MAGEA10: variants seen among roughly 807,000 people sequenced by gnomAD.
MAGEA10 encodes MAGE family member A10.
In MAGEA10, 7 loss-of-function variants were observed where a neutral mutation model predicts 8.6. That is an observed-to-expected ratio of 0.82 (90% CI 0.46 to 1.53). MAGEA10 has a LOEUF of 1.53. Ranked by LOEUF, MAGEA10 falls within the 40% of genes most tolerant of loss-of-function variation. The pLI is 0.01. For synonymous variants in MAGEA10, 125 were observed against 107.4 expected, an observed-to-expected ratio of 1.16 and a Z score of -1.02; for missense variants, 293 against 274.0, an observed-to-expected ratio of 1.07 and a Z score of -0.49.
chrX:152,136,231 C>G (rs986663755), intron 2 of MAGEA10, among the ~76,000 whole-genome samples: 2 of 111,276 alleles, frequency 1.8e-5, no homozygotes, highest in Admixed American at 9.4e-5. Context: ...TCACCTTTCT[C>G]CTGGAAAAGC....
chrX:152,137,444 A>AGGGGGGGGGGGG (rs1603184059), intron 1 of MAGEA10, among the ~76,000 whole-genome samples: 1 of 1,146 alleles, frequency 8.7e-4, no homozygotes, highest in South Asian at 0.029. Flanking sequence ...GGTGGTGGGC[A>AGGGGGGGGGGGG]GGGGAGGGGG....
chrX:152,134,466 G>A lies in MAGEA10; in HGVS notation c.*45C>T. 9.7e-7 allele frequency: 1 copy of A among 1,034,250 alleles called. No individual in the cohort carries two copies. Among genetic ancestry groups the A allele is most frequent in the Non-Finnish European group, 1.3e-6 (1 of 767,061 alleles). 85.2% of individuals were successfully genotyped at this position (1,034,250 alleles called of 1,213,427 possible). ...TTCCACATATGAGTAAAATCATGTG[G>A]TATTTGACTTGCCTTTTAAAACACA... On this transcript the variant is annotated 3_prime_UTR_variant, in exon 4 of 4. Coordinates refer to ENST00000370323, the MANE Select transcript of MAGEA10 (RefSeq NM_021048.5).
chrX:152,137,907 G>T (rs1288817550), intron 1 of MAGEA10, among the ~76,000 whole-genome samples: 1 of 110,469 alleles, frequency 9.1e-6, no homozygotes. Flanking sequence ...CTCTTGGCTG[G>T]GTTGTTCTCC....
rs1377615212 is a variant in MAGEA10 at position 152,135,498 on chromosome X, GGAT to G, written c.120_122del (p.Ser41del). The stretch of plus-strand genomic sequence containing the variant: ...ATGGAAAAGAGGAGCTGGTGGAAGT[GGAT>G]GATGAAGCATCCTCCTCCACAGCCA... On this transcript the variant is annotated inframe_deletion, in exon 4 of 4. Transcript: ENST00000370323. The G allele has an allele frequency of 2.5e-6, 3 of 1,195,390 alleles. No homozygotes were observed. The Admixed American group carries it at 6.8e-5, about 27-fold the overall frequency.
chrX:152,135,664 T>TGGGC lies in MAGEA10; in HGVS notation c.-48_-45dup. ...AGCAGGTGGGAGTGTGGGCAGGACT[T>TGGGC]GGGCGATGGGGACCCACAGGCCTGG... On this transcript the variant is annotated 5_prime_UTR_variant, in exon 4 of 4. Transcript: ENST00000370323. The TGGGC allele has an allele frequency of 9.2e-7, 1 of 1,086,705 alleles. No individual in the cohort carries two copies. Among genetic ancestry groups the TGGGC allele is most frequent in the Non-Finnish European group, 1.2e-6 (1 of 824,008 alleles). 89.6% of individuals were successfully genotyped at this position (1,086,705 alleles called of 1,213,427 possible).
chrX:152,138,048 T>C (rs1936718558), intron 1 of MAGEA10, among the ~76,000 whole-genome samples: 1 of 109,876 alleles, frequency 9.1e-6, no homozygotes, highest in African/African-American at 3.3e-5. Context: ...CTCCCTCATT[T>C]CCCAGCAGGG....
chrX:152,135,872 G>A (rs1936663987), intron 2 of MAGEA10, 38 bp from the exon 3 acceptor site: 2 of 284,241 alleles, frequency 7.0e-6, no homozygotes, highest in Non-Finnish European at 1.3e-5. Flanking sequence ...TCAGGATGCA[G>A]CCGGCAGAGG....
Position 152,134,526 on chromosome X carries a change from G to A in MAGEA10, c.1095C>T (p.Phe365=). The A allele has an allele frequency of 8.3e-7, 1 of 1,206,503 alleles. No individual in the cohort carries two copies. The highest frequency in any genetic ancestry group is 1.1e-6 in the Non-Finnish European group (1 of 892,756). The stretch of plus-strand genomic sequence containing the variant: ...CTGTCTTACTTTATTCAGGGTAGGA[G>A]AAGCTACCTGTAGCGCTAGAACTTG... ...ASASSSATGS[F]SYPE The change falls in exon 4 of 4, where the codon TTC becomes TTT. Residue 365 remains phenylalanine (F), a synonymous_variant. Coordinates refer to ENST00000370323, the MANE Select transcript of MAGEA10 (RefSeq NM_021048.5).
At position 152,133,963 on chromosome X, in the gene MAGEA10, TA is replaced by T. The variant is rs1237920656; in HGVS notation, c.*547del. The T allele has an allele frequency of 9.5e-6, 1 of 105,228 alleles. No individual in the cohort carries two copies. Among genetic ancestry groups the T allele is most frequent in the Non-Finnish European group, 2.0e-5 (1 of 51,173 alleles). 8.7% of individuals were successfully genotyped at this position (105,228 alleles called of 1,213,427 possible). ...AAAAAGAAGAAGAAGAAAAAGAAAA[TA>T]AAATACCAAGAAGAAAAGAAAAGAA... On this transcript the variant is annotated 3_prime_UTR_variant, in exon 4 of 4. Coordinates refer to ENST00000370323, the MANE Select transcript of MAGEA10 (RefSeq NM_021048.5).
chrX:152,134,983 C>T lies in MAGEA10; in HGVS notation c.638G>A (p.Gly213Glu). ...LVTSLGLTYD[G>E]MLSDVQSMPK... is the part of the protein sequence containing the mutation. The stretch of plus-strand genomic sequence containing the variant: ...CATGCTCTGGACATCACTCAGCATC[C>T]CATCATAGGTGAGGCCCAGGGAGGT... Residue 213 changes from glycine (G) to glutamate (E), a missense_variant, in exon 4 of 4, where the codon GGG becomes GAG. Physicochemically the swap from Gly to Glu is moderately conservative, Grantham distance 98. Coordinates refer to ENST00000370323, the MANE Select transcript of MAGEA10 (RefSeq NM_021048.5). 1 of 1,211,484 alleles carries T rather than the reference C, an allele frequency of 8.3e-7. No individual in the cohort carries two copies.
At position 152,134,238 on chromosome X, in the gene MAGEA10, A is replaced by G. The variant is rs183526224; in HGVS notation, c.*273T>C. Reference sequence around the variant, plus strand: ...AATCAGGTAGTGTATCCATCACCTCATGCATTTATCATTTCTTTTTGGTGA... The same window carrying G: ...AATCAGGTAGTGTATCCATCACCTCGTGCATTTATCATTTCTTTTTGGTGA... On this transcript the variant is annotated 3_prime_UTR_variant, in exon 4 of 4. Transcript: ENST00000370323. The G allele has an allele frequency of 1.6e-5, 5 of 309,749 alleles. No homozygotes were observed. 25.5% of individuals were successfully genotyped at this position (309,749 alleles called of 1,213,427 possible).
chrX:152,136,209 C>A (rs1425367710), intron 2 of MAGEA10: 4 of 111,439 alleles, frequency 3.6e-5, no homozygotes, highest in Non-Finnish European at 7.5e-5. Context: ...CCTCTGTGCT[C>A]ACGTGGGGCT....
At chrX:152,137,273 G>A (rs1936694683) in intron 1 of MAGEA10, among the ~76,000 whole-genome samples, 1 of 107,787 alleles carries the variant, frequency 9.3e-6, no homozygotes, top group Non-Finnish European at 1.9e-5. Flanking sequence ...TGTTGACCAA[G>A]TGTGGAACCC....
intron 1 of MAGEA10, among the ~76,000 whole-genome samples, chrX:152,137,385 T>G (rs1936697885): frequency 1.2e-5 from 1 of 81,210 alleles, no homozygotes; most frequent in African/African-American, 4.9e-5. Flanking sequence ...CTGCATGGGA[T>G]TCCCAAAGCT....
At chrX:152,138,260 C>T (rs1315723213) in intron 1 of MAGEA10, among the ~76,000 whole-genome samples, 2 of 106,136 alleles carry the variant, frequency 1.9e-5, no homozygotes, top group African/African-American at 6.9e-5. Flanking sequence ...TCCCGCCGAA[C>T]CAGCCGGGCC....
Position 152,135,102 on chromosome X carries a change from A to T in MAGEA10, c.519T>A (p.Pro173=), listed in dbSNP as rs993620090. The change falls in exon 4 of 4, where the codon CCT becomes CCA. Residue 173 remains proline, a synonymous_variant. Transcript: ENST00000370323. The part of the protein sequence containing the change: ...SVIRNYEDHF[P]LLFSEASECM... ...ACTCGGAGGCTTCACTAAACAACAAAGGGAAGTGGTCTTCATAATTTCTTA... is the reference window on the plus strand; with the variant it reads ...ACTCGGAGGCTTCACTAAACAACAATGGGAAGTGGTCTTCATAATTTCTTA... 8.3e-6 allele frequency: 10 copies of T among 1,211,308 alleles called. No homozygotes were observed. The highest frequency in any genetic ancestry group is 1.1e-5 in the Non-Finnish European group (10 of 895,217).
At position 152,135,157 on chromosome X, in the gene MAGEA10, A is replaced by G. The variant is rs758952037; in HGVS notation, c.464T>C (p.Ile155Thr). 1.7e-6 allele frequency: 2 copies of G among 1,210,901 alleles called. No individual in the cohort carries two copies. The highest frequency in any genetic ancestry group is 2.2e-6 in the Non-Finnish European group (2 of 894,831). ...ACTCTCCAGTATTTCTGCCTTTGTG[A>G]TCGGCTCCTTCATTTGATACTTGAA... ...LLFKYQMKEP[I>T]TKAEILESVI... The change falls in exon 4 of 4, where the codon ATC becomes ACC. Residue 155 changes from isoleucine to threonine, a missense_variant. By Grantham distance (89) the Ile-to-Thr change is moderately conservative (BLOSUM62 -1). Transcript: ENST00000370323.
rs1936623665 is a variant in MAGEA10 at position 152,134,593 on chromosome X, T to C, written c.1028A>G (p.Asp343Gly). Reference sequence around the variant, plus strand: ...AGTATCATCTGTGGTGGCAATTCTGTCCTGGGCTCTCTCTTCCTCATCTTT... The same window carrying C: ...AGTATCATCTGTGGTGGCAATTCTGCCCTGGGCTCTCTCTTCCTCATCTTT... ...ALKDEEERAQ[D>G]RIATTDDTTA... Residue 343 changes from aspartate (D) to glycine (G), a missense_variant, in exon 4 of 4, where the codon GAC becomes GGC. Coordinates refer to ENST00000370323, the MANE Select transcript of MAGEA10 (RefSeq NM_021048.5). The C allele has an allele frequency of 2.5e-6, 3 of 1,205,294 alleles. No individual in the cohort carries two copies. In the South Asian group the frequency reaches 5.3e-5, roughly 21 times the overall value.
rs1048191830 is a variant in MAGEA10, at chrX:152,133,614, T to C, written c.*897A>G. 8 of 111,663 alleles carry C rather than the reference T, an allele frequency of 7.2e-5. No homozygotes were observed. Among genetic ancestry groups the C allele is most frequent in the African/African-American group, 2.6e-4 (8 of 30,766 alleles). The allele number at this position is 111,663 out of a possible 1,213,427, so 9.2% of individuals were successfully genotyped here. A position where few individuals can be genotyped will look rare whatever the true frequency, so the allele number is the denominator to read the frequency against. On this transcript the variant is annotated 3_prime_UTR_variant, in exon 4 of 4. Transcript: ENST00000370323. ...TAGATTCTGAAGCTCATAAACATTCTAGTAAAAGTAACAACATTTTAAAAT... is the reference window on the plus strand; with the variant it reads ...TAGATTCTGAAGCTCATAAACATTCCAGTAAAAGTAACAACATTTTAAAAT...
Sources: gnomAD v4.1 joint callset for allele counts (sites outside exome capture counted in the v4.1 genomes callset) on GRCh38, gnomAD v4.1.1 for gene constraint, MANE v1.5 for transcripts, NCBI Gene and HGNC (gene_info 2026-07-23, HGNC 2026-07-21) for gene names.